The following ZFP1 variants were observed in gnomAD, a reference collection of about 807,000 sequenced individuals.
The protein encoded by ZFP1 is ZFP1 zinc finger protein.
ZFP1 carries 32 observed loss-of-function variants against 38.5 expected under a neutral mutation model. The observed-to-expected ratio is 0.83, with a 90% confidence interval of 0.63 to 1.12. The LOEUF is 1.12. Ranked by LOEUF, ZFP1 falls within the 50% of genes most tolerant of loss-of-function variation. The probability of loss-of-function intolerance (pLI) is 0.00; values close to 1 mark genes in which losing one functional copy is unlikely to be tolerated. For missense variants in ZFP1, 616 were observed against 480.8 expected (o/e 1.28, Z -2.63); for synonymous variants, 245 against 168.8 (o/e 1.45, Z -3.50).
At chr16:75,153,344 C>T (rs2037301546) in intron 2 of ZFP1, among the ~76,000 whole-genome samples, 1 of 152,166 alleles carries the variant, frequency 6.6e-6, no homozygotes, top group African/African-American at 2.4e-5. Context: ...TCAGATTAGC[C>T]TAATGCCAGA....
intron 2 of ZFP1, among the ~76,000 whole-genome samples, chr16:75,157,791 G>GGGTT (rs1319885554): frequency 6.6e-6 from 1 of 151,682 alleles, no homozygotes; most frequent in African/African-American, 2.4e-5. Flanking sequence ...TACCTCTTCT[G>GGGTT]GGTTGGTTGG....
chr16:75,165,064 C>CA (rs1182812315), intron 2 of ZFP1, among the ~76,000 whole-genome samples: 2 of 152,064 alleles, frequency 1.3e-5, no homozygotes, highest in East Asian at 3.9e-4. Context: ...TTCAGCCTCC[C>CA]AAAGTGCTGG....
the ZFP1 span, among the ~76,000 whole-genome samples, chr16:75,133,828 C>T: frequency 6.6e-6 from 1 of 152,174 alleles, no homozygotes; most frequent in Admixed American, 6.5e-5. Flanking sequence ...GCGGGTGGAT[C>T]ACTTGAGGCC....
intron 2 of ZFP1, among the ~76,000 whole-genome samples, chr16:75,164,563 A>ACAT (rs1342319083): frequency 1.3e-5 from 2 of 152,112 alleles, no homozygotes; most frequent in Non-Finnish European, 2.9e-5. Context: ...TGGTTTTGGT[A>ACAT]CATCTTTGAA....
intron 2 of ZFP1, among the ~76,000 whole-genome samples, chr16:75,161,757 A>AATATATATATATATATAT (rs1338490455): frequency 0.03 from 433 of 14,212 alleles, 67 homozygotes; most frequent in East Asian, 0.033. Context: ...AGTTTTATGA[A>AATATATATATATATATAT]ATATATATAT....
chr16:75,153,013 G>A (rs778693389), intron 2 of ZFP1, 47 bp downstream of exon 2: 4 of 1,608,926 alleles, frequency 2.5e-6, no homozygotes, highest in South Asian at 1.1e-5. Flanking sequence ...TGCATTTAAG[G>A]AAGTTTATAA....
At chr16:75,151,202 C>CA (rs2037189333) in intron 1 of ZFP1, among the ~76,000 whole-genome samples, 1 of 151,658 alleles carries the variant, frequency 6.6e-6, no homozygotes, top group Admixed American at 6.6e-5. Flanking sequence ...AATTTCCTGA[C>CA]TCCTACAACT....
At chr16:75,146,162 A>AT (rs201868781), upstream of ZFP1, among the ~76,000 whole-genome samples, 560 of 141,694 alleles carry the variant, frequency 4.0e-3, 1 homozygote, top group South Asian at 0.012. Context: ...AACCATGCTA[A>AT]TTTTTTTTTT....
chr16:75,120,914 T>C, the ZFP1 span, among the ~76,000 whole-genome samples: 1 of 151,784 alleles, frequency 6.6e-6, no homozygotes, highest in Non-Finnish European at 1.5e-5. Flanking sequence ...CATAAGCCAC[T>C]GCACCCAGCC....
rs556363766 is a variant in ZFP1 at position 75,160,653 on chromosome 16, C to T, written c.16-6117C>T. Among the ~76,000 whole-genome samples, 632 of 64,382 alleles carry T rather than the reference C, an allele frequency of 9.8e-3. 14 individuals carry two copies. Among genetic ancestry groups the T allele is most frequent in the East Asian group, 0.098 (288 of 2,942 alleles). 42.2% of individuals were successfully genotyped at this position (64,382 alleles called of 152,430 possible). A position where few individuals can be genotyped will look rare whatever the true frequency, so the allele number is the denominator to read the frequency against. On this transcript the variant is annotated intron_variant, in intron 2 of 3. Transcript: ENST00000570010. The stretch of plus-strand genomic sequence containing the variant: ...CAATCTGGGTGACAAAGCGAGACTG[C>T]CTCAAAAAAAAAAAAAAAAAAAGGA...
chr16:75,169,529 C>T lies in ZFP1; in HGVS notation c.419C>T (p.Ala140Val). The part of the protein sequence containing the change: ...QTDECNEFGK[A>V]LLYLKQEKTH... The stretch of plus-strand genomic sequence containing the variant: ...GATGAGTGTAATGAATTTGGAAAAG[C>T]ACTTCTCTACCTGAAGCAAGAGAAA... The change falls in exon 4 of 4, where the codon GCA (alanine) becomes GTA (valine). Residue 140 changes from alanine to valine, a missense_variant. Transcript: ENST00000570010. The T allele has an allele frequency of 6.2e-7, 1 of 1,613,002 alleles. No homozygotes were observed.
In ZFP1 at chr16:75,169,633, C is replaced by T; in HGVS notation, c.523C>T (p.Gln175Ter). The T allele has an allele frequency of 6.3e-7, 1 of 1,592,798 alleles. No homozygotes were observed. Among genetic ancestry groups the T allele is most frequent in the Non-Finnish European group, 8.5e-7 (1 of 1,174,166 alleles). The part of the protein sequence containing the change: ...LSHKAAIFKH[Q>*]KIKNLVQPFI... ...CCATAAAGCAGCCATTTTTAAACATCAGAAAATAAAAAACTTGGTTCAACC... is the reference window on the plus strand; with the variant it reads ...CCATAAAGCAGCCATTTTTAAACATTAGAAAATAAAAAACTTGGTTCAACC... The change falls in exon 4 of 4, where the codon CAG becomes TAG. Residue 175 changes from glutamine to a stop codon, truncating the protein, a stop_gained. Coordinates refer to ENST00000570010, the MANE Select transcript of ZFP1 (RefSeq NM_153688.4). LOFTEE classifies it high-confidence loss of function.
At chr16:75,142,704 C>A in the ZFP1 span, among the ~76,000 whole-genome samples, 1 of 152,102 alleles carries the variant, frequency 6.6e-6, no homozygotes, top group Admixed American at 6.6e-5. Flanking sequence ...GTTATTTTAT[C>A]TATATTTTTA....
At chr16:75,119,183 A>G in the ZFP1 span, among the ~76,000 whole-genome samples, 3 of 152,108 alleles carry the variant, frequency 2.0e-5, no homozygotes, top group Non-Finnish European at 4.4e-5. Flanking sequence ...CCTTTCTCAG[A>G]TTTGGGGGGT....
intron 2 of ZFP1, among the ~76,000 whole-genome samples, chr16:75,155,436 C>A (rs1253763385): frequency 6.6e-6 from 1 of 152,124 alleles, no homozygotes; most frequent in Non-Finnish European, 1.5e-5. Context: ...GTGCTCAGCC[C>A]AATTATGTGT....
chr16:75,159,093 C>T (rs1160111965), intron 2 of ZFP1, among the ~76,000 whole-genome samples: 1 of 151,948 alleles, frequency 6.6e-6, no homozygotes, highest in Admixed American at 6.6e-5. Flanking sequence ...CATGGAATTT[C>T]GTTGTGTTGT....
intron 2 of ZFP1, among the ~76,000 whole-genome samples, chr16:75,166,283 A>T (rs868513500): frequency 3.3e-5 from 5 of 152,160 alleles, no homozygotes; most frequent in Middle Eastern, 3.2e-3. Flanking sequence ...CCCAGGCTGG[A>T]GTATAGTGGT....
chr16:75,162,678 G>T (rs753437964), intron 2 of ZFP1, among the ~76,000 whole-genome samples: 1 of 152,094 alleles, frequency 6.6e-6, no homozygotes, highest in Non-Finnish European at 1.5e-5. Flanking sequence ...TTCCCTACCA[G>T]TAGATCCCAG....
At chr16:75,149,557 C>CTTTTTTTTTTTTTTTTTTTTTT (rs34371791) in intron 1 of ZFP1, among the ~76,000 whole-genome samples, 9 of 101,766 alleles carry the variant, frequency 8.8e-5, no homozygotes, top group African/African-American at 1.5e-4. Context: ...TCTTTACTTT[C>CTTTTTTTTTTTTTTTTTTTTTT]TTTTTTTTTT....
Sources: gnomAD v4.1 joint callset for allele counts (sites outside exome capture counted in the v4.1 genomes callset) on GRCh38, gnomAD v4.1.1 for gene constraint, MANE v1.5 for transcripts, NCBI Gene and HGNC (gene_info 2026-07-23, HGNC 2026-07-21) for gene names.